Variants in DNAJC6 observed in about 807,000 individuals in gnomAD.
DNAJC6 encodes DnaJ heat shock protein family (Hsp40) member C6, also known as auxilin.
A neutral mutation model predicts 110.0 loss-of-function variants in DNAJC6; 34 were observed. That is an observed-to-expected ratio of 0.31 (90% CI 0.24 to 0.41). DNAJC6 has a LOEUF of 0.41. Ranked by LOEUF, DNAJC6 falls within the 10% of genes least tolerant of loss-of-function variation. The probability of loss-of-function intolerance (pLI) is 1.00; values close to 1 mark genes in which losing one functional copy is unlikely to be tolerated. For synonymous variants in DNAJC6, 406 were observed against 437.2 expected (o/e 0.93, Z 0.89); for missense variants, 1,031 against 1,207.8 (o/e 0.85, Z 2.17).
chr1:65,397,317 A>T (rs947327219), intron 13 of DNAJC6, among the ~76,000 whole-genome samples: 1 of 152,134 alleles, frequency 6.6e-6, no homozygotes, highest in Non-Finnish European at 1.5e-5. Flanking sequence ...GGCGTCGCCA[A>T]TCTCTCATGA....
In DNAJC6 at chr1:65,379,532, AC is replaced by A. The variant is rs1645798041; in HGVS notation, c.666+10del. 1 of 1,613,490 alleles carries A rather than the reference AC, an allele frequency of 6.2e-7. No individual in the cohort carries two copies. Among genetic ancestry groups the A allele is most frequent in the Non-Finnish European group, 8.5e-7 (1 of 1,179,740 alleles). ...TGTGTTGTCCACTGCTTGGTGAGTA[AC>A]CTTTTGTTGTTGGTGGTGATGGTTT... On this transcript the variant is annotated intron_variant, in intron 5 of 18. Transcript: ENST00000371069.
intron 4 of DNAJC6, among the ~76,000 whole-genome samples, chr1:65,366,490 G>A (rs949998306): frequency 1.3e-5 from 2 of 152,184 alleles, no homozygotes; most frequent in African/African-American, 2.4e-5. Flanking sequence ...GCTTAAGTTG[G>A]AGATTGAACT....
chr1:65,382,907 A>G (rs1449673073), intron 5 of DNAJC6, among the ~76,000 whole-genome samples: 1 of 152,244 alleles, frequency 6.6e-6, no homozygotes, highest in Non-Finnish European at 1.5e-5. Context: ...GTGAGGAAGA[A>G]TAGAAGGGAT....
At chr1:65,406,898 T>C (rs925969186) in intron 16 of DNAJC6, among the ~76,000 whole-genome samples, 1 of 152,198 alleles carries the variant, frequency 6.6e-6, no homozygotes, top group Non-Finnish European at 1.5e-5. Flanking sequence ...CTATGGAACA[T>C]GGAAAGGCAA....
intron 17 of DNAJC6, among the ~76,000 whole-genome samples, chr1:65,410,561 A>T (rs1646119060): frequency 6.6e-6 from 1 of 152,210 alleles, no homozygotes; most frequent in Non-Finnish European, 1.5e-5. Context: ...AATGTGACTA[A>T]ACCATTCATC....
intron 4 of DNAJC6, among the ~76,000 whole-genome samples, chr1:65,376,354 G>A (rs1340604294): frequency 6.6e-6 from 1 of 150,896 alleles, no homozygotes; most frequent in East Asian, 1.9e-4. Flanking sequence ...TTATTTTGTC[G>A]AAATTTTTTT....
intron 1 of DNAJC6, among the ~76,000 whole-genome samples, chr1:65,289,049 G>A (rs574437247): frequency 6.6e-6 from 1 of 152,134 alleles, no homozygotes; most frequent in African/African-American, 2.4e-5. Flanking sequence ...AAAATTACTG[G>A]GTCACATGGT....
intron 5 of DNAJC6, 111 bp downstream of exon 5, chr1:65,379,635 C>G: frequency 7.1e-7 from 1 of 1,416,582 alleles, no homozygotes; most frequent in Admixed American, 2.4e-5. Flanking sequence ...TTACTGAGCC[C>G]ATATTTAGGA....
chr1:65,353,592 A>T (rs1198966575), intron 1 of DNAJC6, among the ~76,000 whole-genome samples: 1 of 152,172 alleles, frequency 6.6e-6, no homozygotes, highest in African/African-American at 2.4e-5. Context: ...TATCTTTATT[A>T]TACGCAGAGT....
At chr1:65,284,145 T>G (rs983717347) in intron 1 of DNAJC6, among the ~76,000 whole-genome samples, 2 of 152,332 alleles carry the variant, frequency 1.3e-5, no homozygotes, top group East Asian at 3.9e-4. Context: ...CCTCTGATGT[T>G]ACAGCTCCTG....
intron 4 of DNAJC6, among the ~76,000 whole-genome samples, chr1:65,375,049 C>T (rs534851502): frequency 5.3e-5 from 8 of 151,528 alleles, no homozygotes; most frequent in East Asian, 2.0e-4. Context: ...CTGCAACCTC[C>T]GCCTCCTGGA....
chr1:65,384,416 G>A, intron 6 of DNAJC6, 90 bp downstream of exon 6: 2 of 1,236,122 alleles, frequency 1.6e-6, no homozygotes, highest in Non-Finnish European at 1.0e-6. Context: ...CCTTTCATAA[G>A]TTTCTTTTAC....
intron 1 of DNAJC6, among the ~76,000 whole-genome samples, chr1:65,289,209 TC>T (rs1393229359): frequency 6.6e-6 from 1 of 152,120 alleles, no homozygotes; most frequent in Non-Finnish European, 1.5e-5. Context: ...TTTTTTTTTT[TC>T]CCCAAGATGG....
rs58549467 is a variant in DNAJC6, at chr1:65,364,614, GT to G, written c.194-6del. On this transcript the variant is annotated intron_variant, in intron 1 of 18. Coordinates refer to ENST00000371069, the MANE Select transcript of DNAJC6 (RefSeq NM_001256864.2). ...CTGCCATCACCATTTTTGTTTGTTT[GT>G]TTTTTTTTTTTTTTGGCAGGTGCCT... is the stretch of plus-strand genomic sequence containing the variant. The G allele has an allele frequency of 0.073, 101,925 of 1,398,864 alleles. 1,619 individuals carry two copies. Among genetic ancestry groups the G allele is most frequent in the African/African-American group, 0.26 (16,635 of 65,064 alleles). The allele number at this position is 1,398,864 out of a possible 1,614,324, so 86.7% of individuals were successfully genotyped here. A position where few individuals can be genotyped will look rare whatever the true frequency, so the allele number is the denominator to read the frequency against.
upstream of DNAJC6, chr1:65,306,455 A>C (rs922469800): frequency 7.2e-5 from 11 of 152,188 alleles, no homozygotes; most frequent in African/African-American, 2.7e-4. Context: ...GCCCACCCCA[A>C]AAGTGATGTG....
chr1:65,270,157 T>C (rs916606568), intron 1 of DNAJC6, among the ~76,000 whole-genome samples: 1 of 152,190 alleles, frequency 6.6e-6, no homozygotes, highest in Non-Finnish European at 1.5e-5. Flanking sequence ...AAAATCTATA[T>C]ACAAGTGCAA....
At chr1:65,303,544 G>A (rs915490906) in intron 1 of DNAJC6, among the ~76,000 whole-genome samples, 2 of 145,762 alleles carry the variant, frequency 1.4e-5, no homozygotes, top group South Asian at 2.2e-4. Flanking sequence ...GCTTCCATGC[G>A]CCTCATTTGA....
At chr1:65,336,084 C>A (rs549119121) in intron 1 of DNAJC6, among the ~76,000 whole-genome samples, 38 of 152,104 alleles carry the variant, frequency 2.5e-4, no homozygotes, top group Middle Eastern at 3.4e-3. Context: ...AAAGACATAT[C>A]CAAGGCTGGG....
intron 4 of DNAJC6, among the ~76,000 whole-genome samples, chr1:65,373,466 A>G (rs778890383): frequency 6.6e-6 from 1 of 152,084 alleles, no homozygotes; most frequent in Non-Finnish European, 1.5e-5. Flanking sequence ...TTTTTGATAC[A>G]AACTATTTTA....
Sources: gnomAD v4.1 joint callset for allele counts (sites outside exome capture counted in the v4.1 genomes callset) on GRCh38, gnomAD v4.1.1 for gene constraint, MANE v1.5 for transcripts, NCBI Gene and HGNC (gene_info 2026-07-23, HGNC 2026-07-21) for gene names.